The following CBFA2T3 variants were observed in gnomAD, a reference collection of about 807,000 sequenced individuals.
CBFA2T3 encodes the protein CBFA2/RUNX1 partner transcriptional co-repressor 3, also known as transcriptional corepressor CBFA2T3.
Under a neutral mutation model 58.6 loss-of-function variants are expected in CBFA2T3, and 31 were observed. That is an observed-to-expected ratio of 0.53 (90% CI 0.40 to 0.71). CBFA2T3 has a LOEUF of 0.71. Among genes scored for constraint, CBFA2T3 ranks in the 30% least tolerant of loss-of-function variants. CBFA2T3 has a pLI of 0.00. For missense variants in CBFA2T3, 1,076 were observed against 963.1 expected (o/e 1.12, Z -1.55); for synonymous variants, 531 against 421.9 (o/e 1.26, Z -3.17).
At chr16:88,886,221 G>T in intron 5 of CBFA2T3, 79 bp from the exon 6 acceptor site, 2 of 1,127,684 alleles carry the variant, frequency 1.8e-6, no homozygotes, top group Non-Finnish European at 2.4e-6. Flanking sequence ...GGGGGCCTGG[G>T]CTGGGTGGCC....
chr16:88,970,664 A>C (rs961731517), intron 1 of CBFA2T3, among the ~76,000 whole-genome samples: 2 of 152,242 alleles, frequency 1.3e-5, no homozygotes, highest in Non-Finnish European at 2.9e-5. Context: ...CCTCAGCACC[A>C]GCAGGATGCA....
intron 7 of CBFA2T3, chr16:88,883,542 C>T (rs1481587891): frequency 1.3e-5 from 2 of 152,380 alleles, no homozygotes; most frequent in East Asian, 1.9e-4. Context: ...GCAGAGGCCA[C>T]TCCCACAGGT....
At chr16:88,932,108 C>T (rs1597747238) in intron 1 of CBFA2T3, among the ~76,000 whole-genome samples, 1 of 152,158 alleles carries the variant, frequency 6.6e-6, no homozygotes, top group Non-Finnish European at 1.5e-5. Context: ...CGGCACCCGA[C>T]GCAGTGACCT....
chr16:88,885,057 T>C lies in CBFA2T3; in HGVS notation c.1106A>G (p.His369Arg). The change falls in exon 7 of 12, where the codon CAT becomes CGT. Residue 369 changes from histidine (H) to arginine (R), a missense_variant. Physicochemically the swap from His to Arg is conservative, Grantham distance 29. Transcript: ENST00000268679. This position sits in a 1 kb window ranked among gnomAD's most constrained non-coding sequence, Gnocchi z 5.3. ...ACCGGGCTGCTCACCAAGCGGCCGA[T>C]GGCGCTCTCGTAGCTCCCGGGGGTC... ...HPDPRELRER[H>R]RPLVVPGSRQ... The C allele has an allele frequency of 6.3e-7, 1 of 1,598,688 alleles. No homozygotes were observed. Among genetic ancestry groups the C allele is most frequent in the Middle Eastern group, 1.7e-4 (1 of 6,020 alleles).
intron 1 of CBFA2T3, among the ~76,000 whole-genome samples, chr16:88,971,042 G>A (rs1180653839): frequency 6.6e-6 from 1 of 152,126 alleles, no homozygotes; most frequent in Admixed American, 6.5e-5. Flanking sequence ...ACGCGGTGGG[G>A]TCGGGCCGGG....
chr16:88,925,836 G>A (rs369280963), intron 1 of CBFA2T3, among the ~76,000 whole-genome samples: 8 of 152,344 alleles, frequency 5.3e-5, no homozygotes, highest in African/African-American at 1.4e-4. Context: ...AGGGAGCCCC[G>A]GTACCAAGGA....
chr16:88,959,866 A>T (rs1210186749), intron 1 of CBFA2T3, among the ~76,000 whole-genome samples: 2 of 152,028 alleles, frequency 1.3e-5, no homozygotes, highest in African/African-American at 2.4e-5. Flanking sequence ...TCTCTACTAA[A>T]AATACAAAAA....
At chr16:88,901,702 C>G (rs1201693446) in intron 1 of CBFA2T3, 46 bp from the exon 2 acceptor site, 1 of 1,500,358 alleles carries the variant, frequency 6.7e-7, no homozygotes, top group South Asian at 1.3e-5. Context: ...AGGCTAAGTG[C>G]AAAGGCCAGG....
At chr16:88,932,737 C>T (rs1971354223) in intron 1 of CBFA2T3, among the ~76,000 whole-genome samples, 1 of 131,150 alleles carries the variant, frequency 7.6e-6, no homozygotes, top group Non-Finnish European at 1.5e-5. Context: ...CACCTGAGGT[C>T]AGGAGTTCGA....
intron 1 of CBFA2T3, 38 bp from the exon 2 acceptor site, chr16:88,901,694 G>T (rs759139002): frequency 9.9e-6 from 15 of 1,510,010 alleles, no homozygotes; most frequent in Non-Finnish European, 1.3e-5. Flanking sequence ...GGTGAAGCAG[G>T]CTAAGTGCAA....
At chr16:88,901,986 C>T (rs1173868927) in intron 1 of CBFA2T3, among the ~76,000 whole-genome samples, 3 of 152,194 alleles carry the variant, frequency 2.0e-5, no homozygotes, top group Non-Finnish European at 4.4e-5. Flanking sequence ...CCCGAGGCAG[C>T]GGTGCCTTGC....
intron 1 of CBFA2T3, among the ~76,000 whole-genome samples, chr16:88,945,888 C>A (rs1042747453): frequency 7.2e-5 from 11 of 152,162 alleles, no homozygotes; most frequent in Admixed American, 5.9e-4. Context: ...AAGTTTCATT[C>A]GTTTTTACCA....
At chr16:88,894,556 G>GCA (rs771054339) in intron 3 of CBFA2T3, among the ~76,000 whole-genome samples, 2 of 134,652 alleles carry the variant, frequency 1.5e-5, no homozygotes, top group Non-Finnish European at 3.1e-5. Flanking sequence ...GTACACACAT[G>GCA]CACACACACA....
At chr16:88,940,616 A>T (rs1971685539) in intron 1 of CBFA2T3, among the ~76,000 whole-genome samples, 1 of 152,080 alleles carries the variant, frequency 6.6e-6, no homozygotes, top group Non-Finnish European at 1.5e-5. Flanking sequence ...GGAGAGGAGC[A>T]GGAGGGAGCT....
intron 3 of CBFA2T3, among the ~76,000 whole-genome samples, chr16:88,892,993 G>A (rs923007623): frequency 6.6e-6 from 1 of 152,174 alleles, no homozygotes; most frequent in East Asian, 1.9e-4. Flanking sequence ...TTTTCACTGT[G>A]AACAGGGAGC....
At chr16:88,916,123 T>C (rs996692590) in intron 1 of CBFA2T3, among the ~76,000 whole-genome samples, 1 of 149,116 alleles carries the variant, frequency 6.7e-6, no homozygotes. Flanking sequence ...CGTGTATGTG[T>C]GCACTCACGT....
intron 1 of CBFA2T3, among the ~76,000 whole-genome samples, chr16:88,932,047 A>G (rs1971325699): frequency 6.6e-6 from 1 of 152,046 alleles, no homozygotes; most frequent in East Asian, 1.9e-4. Context: ...TGTGCACACC[A>G]TCACACACTC....
At chr16:88,911,008 G>C (rs2142699518) in intron 1 of CBFA2T3, among the ~76,000 whole-genome samples, 1 of 152,338 alleles carries the variant, frequency 6.6e-6, no homozygotes, top group South Asian at 2.1e-4. Flanking sequence ...CAGCCTTCCT[G>C]CCTGGCGAAT....
intron 5 of CBFA2T3, among the ~76,000 whole-genome samples, chr16:88,890,152 C>T (rs775382241): frequency 6.6e-6 from 1 of 152,204 alleles, no homozygotes; most frequent in Non-Finnish European, 1.5e-5. Flanking sequence ...GCCTCACCTC[C>T]CTGTAGTCCC....
Sources: gnomAD v4.1 joint callset for allele counts (sites outside exome capture counted in the v4.1 genomes callset) on GRCh38, gnomAD v4.1.1 for gene constraint, Gnocchi (gnomAD v3.1) non-coding constraint, MANE v1.5 for transcripts, NCBI Gene and HGNC (gene_info 2026-07-23, HGNC 2026-07-21) for gene names.